GPC6: variants seen among roughly 807,000 people sequenced by gnomAD.
The protein encoded by GPC6 is glypican 6.
A neutral mutation model predicts 55.2 loss-of-function variants in GPC6; 14 were observed. The observed-to-expected ratio is 0.25, with a 90% confidence interval of 0.17 to 0.40. GPC6 has a LOEUF of 0.40. Among genes scored for constraint, GPC6 ranks in the 10% least tolerant of loss-of-function variants. GPC6 has a pLI of 1.00. For missense variants in GPC6, 641 were observed against 708.5 expected (o/e 0.90, Z 1.08); for synonymous variants, 278 against 259.6 (o/e 1.07, Z -0.68).
chr13:93,873,303 A>G (rs952690405), intron 3 of GPC6, among the ~76,000 whole-genome samples: 3 of 151,968 alleles, frequency 2.0e-5, no homozygotes, highest in East Asian at 1.9e-4. Flanking sequence ...AATTCTGTTT[A>G]ACATTGCCTC....
At chr13:94,231,599 G>A (rs1423936352) in intron 4 of GPC6, among the ~76,000 whole-genome samples, 3 of 152,118 alleles carry the variant, frequency 2.0e-5, no homozygotes, top group African/African-American at 7.2e-5. Flanking sequence ...TTATTTTGCT[G>A]TTATTAAAAA....
At chr13:94,217,448 A>G (rs1890258336) in intron 4 of GPC6, among the ~76,000 whole-genome samples, 2 of 152,180 alleles carry the variant, frequency 1.3e-5, no homozygotes, top group Non-Finnish European at 2.9e-5. Flanking sequence ...ATAAATGGGA[A>G]TCTATATGCT....
intron 4 of GPC6, among the ~76,000 whole-genome samples, chr13:94,215,417 C>G (rs918386000): frequency 3.9e-5 from 6 of 152,042 alleles, no homozygotes; most frequent in Non-Finnish European, 5.9e-5. Context: ...TAATCATTTC[C>G]TTATGTATAA....
chr13:93,399,286 T>A (rs1347870539), intron 1 of GPC6, among the ~76,000 whole-genome samples: 1 of 152,218 alleles, frequency 6.6e-6, no homozygotes, highest in Non-Finnish European at 1.5e-5. Flanking sequence ...CAATTTGTAA[T>A]CTTACTCTTT....
At chr13:93,528,688 C>A (rs1881747561) in intron 1 of GPC6, among the ~76,000 whole-genome samples, 1 of 152,072 alleles carries the variant, frequency 6.6e-6, no homozygotes, top group Admixed American at 6.6e-5. Flanking sequence ...GTGAGCAGGT[C>A]TGAAATTTGC....
chr13:93,938,735 T>C (rs1878569223), intron 3 of GPC6, among the ~76,000 whole-genome samples: 1 of 152,172 alleles, frequency 6.6e-6, no homozygotes, highest in African/African-American at 2.4e-5. Context: ...AGGATTTTCT[T>C]GCAGGAAAAG....
At chr13:93,500,886 C>G (rs964269548) in intron 1 of GPC6, among the ~76,000 whole-genome samples, 1 of 152,120 alleles carries the variant, frequency 6.6e-6, no homozygotes, top group African/African-American at 2.4e-5. Flanking sequence ...ATGTCACACT[C>G]AAGACATTAA....
intron 4 of GPC6, among the ~76,000 whole-genome samples, chr13:94,200,889 G>A (rs912780785): frequency 3.9e-5 from 6 of 152,178 alleles, no homozygotes; most frequent in East Asian, 3.9e-4. Context: ...AGAGGAGAGC[G>A]GAGTCCAAGT....
chr13:93,223,067 T>TA (rs1594036931), upstream of GPC6, among the ~76,000 whole-genome samples: 1 of 137,486 alleles, frequency 7.3e-6, no homozygotes, highest in African/African-American at 2.6e-5. Context: ...TCACATTGGC[T>TA]AGAAATGGGT....
rs1050368938 is a variant in GPC6, at chr13:93,227,292, G to T, written c.-165G>T. 6.7e-6 allele frequency: 4 copies of T among 601,336 alleles called. No individual in the cohort carries two copies. Among genetic ancestry groups the T allele is most frequent in the African/African-American group, 5.6e-5 (3 of 53,696 alleles). 37.3% of individuals were successfully genotyped at this position (601,336 alleles called of 1,614,324 possible). ...TCTGGCTTATAAAAGTTTGCTGAGC[G>T]CAGTCCAGAGGGCTGCGCTGCTCGT... On this transcript the variant is annotated 5_prime_UTR_variant, in exon 1 of 9. Coordinates refer to ENST00000377047, the MANE Select transcript of GPC6 (RefSeq NM_005708.5). This position sits in a 1 kb window ranked among gnomAD's most constrained non-coding sequence, Gnocchi z 4.3.
intron 2 of GPC6, among the ~76,000 whole-genome samples, chr13:93,729,449 G>A (rs1020929260): frequency 6.6e-6 from 1 of 152,170 alleles, no homozygotes; most frequent in African/African-American, 2.4e-5. Flanking sequence ...GGTACAAGGA[G>A]TCATTGGTCA....
intron 1 of GPC6, among the ~76,000 whole-genome samples, chr13:93,250,344 C>T (rs1423148580): frequency 6.6e-6 from 1 of 152,212 alleles, no homozygotes; most frequent in African/African-American, 2.4e-5. Context: ...AGGGCTCTGC[C>T]CATTTCCAGG....
intron 4 of GPC6, among the ~76,000 whole-genome samples, chr13:94,062,911 A>G (rs1280196250): frequency 4.6e-5 from 7 of 152,224 alleles, no homozygotes; most frequent in Non-Finnish European, 2.9e-5. Context: ...GTGATGGACT[A>G]ATATCTAAGT....
At chr13:93,636,387 A>G (rs572673994) in intron 2 of GPC6, among the ~76,000 whole-genome samples, 32 of 152,198 alleles carry the variant, frequency 2.1e-4, no homozygotes, top group Non-Finnish European at 4.0e-4. Flanking sequence ...CTAGTTGTGG[A>G]ATTTGCAAGA....
At position 93,887,530 on chromosome 13, in the gene GPC6, G is replaced by A. The variant is rs139432154; in HGVS notation, c.711+56985G>A. On this transcript the variant is annotated intron_variant, in intron 3 of 8. Coordinates refer to ENST00000377047, the MANE Select transcript of GPC6 (RefSeq NM_005708.5). ...TGTTATATGGTATTTGCATTGGAACGTCTCACTAATACTAATACCTCTTAT... is the reference window on the plus strand; with the variant it reads ...TGTTATATGGTATTTGCATTGGAACATCTCACTAATACTAATACCTCTTAT... 2.1e-3 allele frequency among the ~76,000 whole-genome samples: 313 copies of A among 152,144 alleles called. 3 individuals are homozygous for A. The highest frequency in any genetic ancestry group is 7.3e-3 in the African/African-American group (305 of 41,530).
At chr13:94,129,660 A>G (rs1042715683) in intron 4 of GPC6, among the ~76,000 whole-genome samples, 3 of 151,968 alleles carry the variant, frequency 2.0e-5, no homozygotes, top group African/African-American at 7.2e-5. Context: ...TCATCGTTCT[A>G]ACTTCTGTTT....
chr13:93,316,360 T>A (rs1310500103), intron 1 of GPC6, among the ~76,000 whole-genome samples: 1 of 152,120 alleles, frequency 6.6e-6, no homozygotes, highest in South Asian at 2.1e-4. Flanking sequence ...TCATGGTTTG[T>A]CTTTCATGCT....
intron 2 of GPC6, among the ~76,000 whole-genome samples, chr13:93,621,691 G>C (rs1878958075): frequency 6.6e-6 from 1 of 152,098 alleles, no homozygotes; most frequent in African/African-American, 2.4e-5. Context: ...CCTTAGGATG[G>C]GAGATCTTGA....
rs548742228 is a variant in GPC6, at chr13:93,313,395, C to G, written c.160+85779C>G. Reference sequence around the variant, plus strand: ...TTTGAAGTAAGGTGGAAACATTTTTCATCAGTTTTTCAACTGTTAGTTGGA... The same window carrying G: ...TTTGAAGTAAGGTGGAAACATTTTTGATCAGTTTTTCAACTGTTAGTTGGA... On this transcript the variant is annotated intron_variant, in intron 1 of 8. Coordinates refer to ENST00000377047, the MANE Select transcript of GPC6 (RefSeq NM_005708.5). Among the ~76,000 whole-genome samples, 8 of 152,188 alleles carry G rather than the reference C, an allele frequency of 5.3e-5. No individual in the cohort carries two copies. The South Asian group carries it at 1.7e-3, about 32-fold the overall frequency.
Sources: gnomAD v4.1 joint callset for allele counts (sites outside exome capture counted in the v4.1 genomes callset) on GRCh38, gnomAD v4.1.1 for gene constraint, Gnocchi (gnomAD v3.1) non-coding constraint, MANE v1.5 for transcripts, NCBI Gene and HGNC (gene_info 2026-07-23, HGNC 2026-07-21) for gene names.